The following BRINP1 variants were observed in gnomAD, a reference collection of about 807,000 sequenced individuals.
BRINP1 encodes BMP/retinoic acid inducible neural specific 1.
Under a neutral mutation model 72.9 loss-of-function variants are expected in BRINP1, and 17 were observed. The ratio of observed to expected loss-of-function variants is 0.23; its 90% CI spans 0.16 to 0.35. The LOEUF (loss-of-function observed/expected upper bound fraction) is 0.35. Ranked by LOEUF, BRINP1 falls within the 10% of genes least tolerant of loss-of-function variation. BRINP1 has a pLI of 1.00. For synonymous variants in BRINP1, 418 were observed against 378.5 expected (o/e 1.10, Z -1.21); for missense variants, 850 against 1,001.6 (o/e 0.85, Z 2.04).
At chr9:119,216,992 T>A (rs972395148) in intron 5 of BRINP1, among the ~76,000 whole-genome samples, 3 of 152,180 alleles carry the variant, frequency 2.0e-5, no homozygotes, top group Non-Finnish European at 2.9e-5. Flanking sequence ...CAGAATCTCC[T>A]GGGCAATTTC....
chr9:119,192,147 C>A (rs866303202), intron 7 of BRINP1, among the ~76,000 whole-genome samples: 13 of 151,992 alleles, frequency 8.6e-5, no homozygotes, highest in Admixed American at 1.3e-4. Context: ...ACCCAAAAAA[C>A]TCCTAGAAGA....
intron 2 of BRINP1, among the ~76,000 whole-genome samples, chr9:119,267,636 C>CAATAAATA (rs139819911): frequency 0.04 from 5,823 of 145,058 alleles, 198 homozygotes; most frequent in East Asian, 0.13. Context: ...AACTCCATCT[C>CAATAAATA]AATAAATAAA....
At position 119,167,636 on chromosome 9, in the gene BRINP1, G is replaced by T. The variant is rs552169514; in HGVS notation, c.1734C>A (p.Pro578=). 1 of 1,614,072 alleles carries T rather than the reference G, an allele frequency of 6.2e-7. No homozygotes were observed. Among genetic ancestry groups the T allele is most frequent in the South Asian group, 1.1e-5 (1 of 91,076 alleles). Reference sequence around the variant, plus strand: ...AGCGTGGGTAGCCAAATTCCCCGAAGGGCATGTTCCAGCCCTCCGAATGGC... The same window carrying T: ...AGCGTGGGTAGCCAAATTCCCCGAATGGCATGTTCCAGCCCTCCGAATGGC... ...SGSHSEGWNM[P]FGEFGYPRWE... The change falls in exon 8 of 8, where the codon CCC becomes CCA. Residue 578 remains proline (P), a synonymous_variant. Coordinates refer to ENST00000265922, the MANE Select transcript of BRINP1 (RefSeq NM_014618.3). This position sits in a 1 kb window ranked among gnomAD's most constrained non-coding sequence, Gnocchi z 4.3.
chr9:119,169,453 T>C (rs1829372361), intron 7 of BRINP1, among the ~76,000 whole-genome samples: 1 of 152,214 alleles, frequency 6.6e-6, no homozygotes, highest in Admixed American at 6.5e-5. Flanking sequence ...CGCGAGATTA[T>C]ATTACCGCAC....
chr9:119,355,630 G>A (rs779642738), intron 1 of BRINP1, among the ~76,000 whole-genome samples: 29 of 151,726 alleles, frequency 1.9e-4, no homozygotes, highest in Non-Finnish European at 3.4e-4. Context: ...TCGGGAAGCT[G>A]AGGCAGGAGA....
chr9:119,326,528 C>CT (rs1564249024), intron 1 of BRINP1, among the ~76,000 whole-genome samples: 1 of 152,056 alleles, frequency 6.6e-6, no homozygotes, highest in Non-Finnish European at 1.5e-5. Flanking sequence ...ATGTATAGCA[C>CT]TTTTTTTCTT....
chr9:119,343,837 A>G (rs1831426683), intron 1 of BRINP1, among the ~76,000 whole-genome samples: 1 of 152,248 alleles, frequency 6.6e-6, no homozygotes, highest in East Asian at 1.9e-4. Flanking sequence ...CCACTCAACA[A>G]TATATGATTG....
At chr9:119,340,309 G>C (rs1233648159) in intron 1 of BRINP1, among the ~76,000 whole-genome samples, 2 of 152,166 alleles carry the variant, frequency 1.3e-5, no homozygotes, top group Non-Finnish European at 2.9e-5. Flanking sequence ...TCTGGATTTA[G>C]ATCTGAGGTT....
At chr9:119,203,078 T>G (rs1829821318) in intron 7 of BRINP1, among the ~76,000 whole-genome samples, 1 of 152,086 alleles carries the variant, frequency 6.6e-6, no homozygotes, top group African/African-American at 2.4e-5. Flanking sequence ...GTTGGTCTAC[T>G]ACCCTCAACC....
intron 1 of BRINP1, among the ~76,000 whole-genome samples, chr9:119,361,013 C>T (rs10818302): frequency 0.64 from 97,567 of 152,090 alleles, 31,782 homozygotes; most frequent in East Asian, 1. Flanking sequence ...TATACAACTC[C>T]GCACCCTGTG....
At chr9:119,242,700 A>G (rs1222371581) in intron 3 of BRINP1, among the ~76,000 whole-genome samples, 1 of 152,178 alleles carries the variant, frequency 6.6e-6, no homozygotes, top group African/African-American at 2.4e-5. Context: ...TTTTCTTAAT[A>G]GATAAATGAA....
chr9:119,355,510 C>T (rs1831553068), intron 1 of BRINP1, among the ~76,000 whole-genome samples: 1 of 152,024 alleles, frequency 6.6e-6, no homozygotes, highest in Non-Finnish European at 1.5e-5. Context: ...GGGCGAATCA[C>T]AAGGTCAGGA....
chr9:119,193,269 C>G (rs780433789), intron 7 of BRINP1, among the ~76,000 whole-genome samples: 27 of 151,812 alleles, frequency 1.8e-4, no homozygotes. Flanking sequence ...CTGTTTGTTA[C>G]AACATAGATA....
intron 7 of BRINP1, among the ~76,000 whole-genome samples, chr9:119,201,158 T>C (rs1017803757): frequency 2.0e-5 from 3 of 152,178 alleles, no homozygotes; most frequent in Admixed American, 6.5e-5. Context: ...CCATGGAACA[T>C]AGATTGGAAA....
intron 3 of BRINP1, among the ~76,000 whole-genome samples, chr9:119,245,930 C>A (rs1456244412): frequency 6.6e-6 from 1 of 152,148 alleles, no homozygotes; most frequent in Non-Finnish European, 1.5e-5. Flanking sequence ...TCCCACTCAT[C>A]TAGTGAGTAG....
intron 1 of BRINP1, among the ~76,000 whole-genome samples, chr9:119,335,317 G>A (rs986157182): frequency 6.6e-6 from 1 of 152,168 alleles, no homozygotes; most frequent in African/African-American, 2.4e-5. Context: ...CATGTGATCT[G>A]AGTCAAGGCT....
intron 7 of BRINP1, among the ~76,000 whole-genome samples, chr9:119,204,964 C>T (rs1829838365): frequency 6.6e-6 from 1 of 152,186 alleles, no homozygotes; most frequent in Non-Finnish European, 1.5e-5. Context: ...GCAGTAATGG[C>T]ACCTGCTCAG....
chr9:119,306,901 A>AT (rs1156285633), intron 2 of BRINP1, among the ~76,000 whole-genome samples: 3 of 152,152 alleles, frequency 2.0e-5, no homozygotes, highest in Non-Finnish European at 2.9e-5. Context: ...GAATCCAGTC[A>AT]TTACAGTGGT....
intron 7 of BRINP1, among the ~76,000 whole-genome samples, chr9:119,176,751 C>T (rs769428782): frequency 1.3e-5 from 2 of 152,178 alleles, no homozygotes; most frequent in African/African-American, 2.4e-5. Context: ...GGTATTGAGA[C>T]ACTCTCGGGG....
Sources: gnomAD v4.1 joint callset for allele counts (sites outside exome capture counted in the v4.1 genomes callset) on GRCh38, gnomAD v4.1.1 for gene constraint, Gnocchi (gnomAD v3.1) non-coding constraint, MANE v1.5 for transcripts, NCBI Gene and HGNC (gene_info 2026-07-23, HGNC 2026-07-21) for gene names.